The following KIF26B variants were observed in gnomAD, a reference collection of about 807,000 sequenced individuals.
The protein encoded by KIF26B is kinesin-like protein KIF26B.
KIF26B carries 63 observed loss-of-function variants against 151.2 expected under a neutral mutation model. That is an observed-to-expected ratio of 0.42 (90% CI 0.34 to 0.51). The LOEUF is 0.51. KIF26B is among the 20% of genes least tolerant of loss of function. KIF26B has a pLI of 0.07. For missense variants in KIF26B, 2,813 were observed against 2,913.6 expected (o/e 0.97, Z 0.79); for synonymous variants, 1,357 against 1,262.1 (o/e 1.08, Z -1.59).
intron 2 of KIF26B, among the ~76,000 whole-genome samples, chr1:245,179,865 G>T (rs1309380759): frequency 6.6e-6 from 1 of 152,214 alleles, no homozygotes; most frequent in Non-Finnish European, 1.5e-5. Flanking sequence ...ATGTTCTGGA[G>T]AGCTGCAGTT....
At chr1:245,482,362 A>G (rs897329355) in intron 4 of KIF26B, among the ~76,000 whole-genome samples, 4 of 151,860 alleles carry the variant, frequency 2.6e-5, no homozygotes, top group African/African-American at 9.7e-5. Flanking sequence ...TGCTGGGATT[A>G]CAGGCATGAG....
At chr1:245,287,292 G>A (rs968862589) in intron 2 of KIF26B, among the ~76,000 whole-genome samples, 5 of 151,654 alleles carry the variant, frequency 3.3e-5, no homozygotes, top group South Asian at 2.1e-4. Context: ...GGTTCATTTC[G>A]TGTACTGGTT....
intron 2 of KIF26B, among the ~76,000 whole-genome samples, chr1:245,204,705 C>T (rs1229337385): frequency 6.6e-6 from 1 of 152,048 alleles, no homozygotes; most frequent in Non-Finnish European, 1.5e-5. Context: ...TCTCTTATGG[C>T]TTCGTCTCAA....
At chr1:245,387,863 C>T (rs1274535778) in intron 3 of KIF26B, among the ~76,000 whole-genome samples, 1 of 152,156 alleles carries the variant, frequency 6.6e-6, no homozygotes, top group East Asian at 1.9e-4. Flanking sequence ...AAGTACAGGT[C>T]CCATCTCTCT....
At chr1:245,299,320 G>GTTTTTT (rs55957858) in intron 2 of KIF26B, among the ~76,000 whole-genome samples, 9 of 103,164 alleles carry the variant, frequency 8.7e-5, no homozygotes, top group Admixed American at 1.1e-4. Flanking sequence ...CCAATTCTGG[G>GTTTTTT]TTTTTTTTTT....
intron 2 of KIF26B, among the ~76,000 whole-genome samples, chr1:245,363,094 C>T (rs1672860445): frequency 6.6e-6 from 1 of 152,176 alleles, no homozygotes; most frequent in Non-Finnish European, 1.5e-5. Flanking sequence ...ATCCAGAGGA[C>T]ATGGCCCTAG....
intron 3 of KIF26B, among the ~76,000 whole-genome samples, chr1:245,412,982 AC>A (rs1328868387): frequency 5.3e-5 from 8 of 151,836 alleles, no homozygotes; most frequent in African/African-American, 1.9e-4. Flanking sequence ...TTTTCCCACC[AC>A]CCCGAGGGAT....
intron 2 of KIF26B, among the ~76,000 whole-genome samples, chr1:245,351,986 C>T (rs1339791474): frequency 2.6e-5 from 4 of 152,128 alleles, no homozygotes; most frequent in African/African-American, 9.7e-5. Flanking sequence ...TAGGCAAAAA[C>T]CTACCTGTCT....
In KIF26B at chr1:245,555,363, G is replaced by A. The variant is rs111785085; in HGVS notation, c.1350+14413G>A. 4.8e-3 allele frequency among the ~76,000 whole-genome samples: 724 copies of A among 152,292 alleles called. 8 individuals carry two copies. The highest frequency in any genetic ancestry group is 0.016 in the African/African-American group (667 of 41,560). On this transcript the variant is annotated intron_variant, in intron 5 of 14. Coordinates refer to ENST00000407071, the MANE Select transcript of KIF26B (RefSeq NM_018012.4). The stretch of plus-strand genomic sequence containing the variant: ...TAAGATCTCTCGAGTGCTCCGGGAC[G>A]CTTCTCGCCTCGTCTCTTACGTGTG...
chr1:245,634,376 C>T (rs144537068), intron 9 of KIF26B, among the ~76,000 whole-genome samples: 7 of 152,286 alleles, frequency 4.6e-5, no homozygotes, highest in Admixed American at 6.5e-5. Flanking sequence ...TAAATGGAAA[C>T]GGTGAGAGTG....
chr1:245,266,877 A>T (rs1238322507), intron 2 of KIF26B, among the ~76,000 whole-genome samples: 2 of 152,128 alleles, frequency 1.3e-5, no homozygotes, highest in Admixed American at 1.3e-4. Flanking sequence ...ACAGTGAGAG[A>T]ATGTTGTGTT....
intron 2 of KIF26B, among the ~76,000 whole-genome samples, chr1:245,336,927 C>G (rs1672245792): frequency 6.6e-6 from 1 of 152,146 alleles, no homozygotes; most frequent in African/African-American, 2.4e-5. Flanking sequence ...TTAAATGATC[C>G]AAGAACAAGC....
rs1235112071 is a variant in KIF26B, at chr1:245,516,257, T to C, written c.1167-24510T>C. On this transcript the variant is annotated intron_variant, in intron 4 of 14. Coordinates refer to ENST00000407071, the MANE Select transcript of KIF26B (RefSeq NM_018012.4). This position sits in a 1 kb window ranked among gnomAD's most constrained non-coding sequence, Gnocchi z 4.2. ...CTCTGGTCCGTGATGAAGCAAGCTC[T>C]TCCATGGTGTTAGAGTCTGTTTTTC... Among the ~76,000 whole-genome samples the C allele has an allele frequency of 6.6e-6, 1 of 152,218 alleles. No homozygotes were observed. The highest frequency in any genetic ancestry group is 2.4e-5 in the African/African-American group (1 of 41,458).
chr1:245,275,223 A>G (rs192789577), intron 2 of KIF26B, among the ~76,000 whole-genome samples: 17 of 151,770 alleles, frequency 1.1e-4, no homozygotes, highest in Non-Finnish European at 2.5e-4. Context: ...TAGATTCTGG[A>G]TATTAGTCCT....
At chr1:245,174,162 C>G (rs1216237182) in intron 2 of KIF26B, among the ~76,000 whole-genome samples, 5 of 152,214 alleles carry the variant, frequency 3.3e-5, no homozygotes, top group African/African-American at 1.2e-4. Context: ...GGCAGCATAA[C>G]TTTTCCAAAT....
Position 245,316,764 on chromosome 1 carries a change from A to C in KIF26B, c.466-50070A>C, listed in dbSNP as rs75070758. Among the ~76,000 whole-genome samples, 1,369 of 150,454 alleles carry C rather than the reference A, an allele frequency of 9.1e-3. 22 individuals carry two copies. Among genetic ancestry groups the C allele is most frequent in the African/African-American group, 0.031 (1,236 of 40,484 alleles). ...TATACTGATTTGGTACAATTGCTAC[A>C]TTTTATAGAATACTTAAATATGAAT... On this transcript the variant is annotated intron_variant, in intron 2 of 14. Transcript: ENST00000407071.
At chr1:245,464,502 C>T (rs935002043) in intron 4 of KIF26B, among the ~76,000 whole-genome samples, 2 of 126,694 alleles carry the variant, frequency 1.6e-5, no homozygotes, top group Non-Finnish European at 3.3e-5. Context: ...TGTGTGTGGG[C>T]GTGTGCATGT....
chr1:245,536,582 A>G (rs562476991), intron 4 of KIF26B, among the ~76,000 whole-genome samples: 14 of 152,138 alleles, frequency 9.2e-5, no homozygotes, highest in African/African-American at 3.1e-4. Context: ...GTGACAAATT[A>G]CCCCCAAAAC....
intron 9 of KIF26B, among the ~76,000 whole-genome samples, chr1:245,627,121 T>C (rs1337924334): frequency 6.6e-6 from 1 of 152,210 alleles, no homozygotes; most frequent in African/African-American, 2.4e-5. Flanking sequence ...CAGCCTGTTT[T>C]ATGTTACAGT....
Sources: gnomAD v4.1 joint callset for allele counts (sites outside exome capture counted in the v4.1 genomes callset) on GRCh38, gnomAD v4.1.1 for gene constraint, Gnocchi (gnomAD v3.1) non-coding constraint, MANE v1.5 for transcripts, NCBI Gene and HGNC (gene_info 2026-07-23, HGNC 2026-07-21) for gene names.